CMTM7: variants seen among roughly 807,000 people sequenced by gnomAD.
CMTM7 encodes CKLF-like MARVEL transmembrane domain-containing protein 7.
A neutral mutation model predicts 19.3 loss-of-function variants in CMTM7; 7 were observed. The observed-to-expected ratio is 0.36, with a 90% CI of 0.21 to 0.68. The LOEUF is 0.68. CMTM7 is among the 30% of genes least tolerant of loss of function. The pLI is 0.60. For missense variants in CMTM7, 193 were observed against 232.6 expected (o/e 0.83, Z 1.11); for synonymous variants, 87 against 99.3 (o/e 0.88, Z 0.74).
intron 1 of CMTM7, among the ~76,000 whole-genome samples, chr3:32,397,144 C>T (rs1211489674): frequency 6.6e-6 from 1 of 152,134 alleles, no homozygotes; most frequent in African/African-American, 2.4e-5. Flanking sequence ...TACTAGACGC[C>T]ACTCAATTAC....
At chr3:32,413,533 A>G (rs146418122) in intron 1 of CMTM7, among the ~76,000 whole-genome samples, 59 of 152,324 alleles carry the variant, frequency 3.9e-4, no homozygotes, top group African/African-American at 1.3e-3. Context: ...CATCTCCATT[A>G]TAACTCCTCT....
intron 1 of CMTM7, among the ~76,000 whole-genome samples, chr3:32,411,095 G>C (rs1366844254): frequency 1.3e-5 from 2 of 152,218 alleles, no homozygotes; most frequent in East Asian, 3.8e-4. Flanking sequence ...TCCCAGCTCT[G>C]TGTCAGCCGC....
At chr3:32,437,311 A>T (rs1192558613) in intron 1 of CMTM7, among the ~76,000 whole-genome samples, 1 of 152,116 alleles carries the variant, frequency 6.6e-6, no homozygotes, top group Non-Finnish European at 1.5e-5. Context: ...AAACCCCTGG[A>T]CATGGCTGGG....
chr3:32,431,102 C>T (rs1475778102), intron 1 of CMTM7, among the ~76,000 whole-genome samples: 1 of 152,186 alleles, frequency 6.6e-6, no homozygotes, highest in East Asian at 1.9e-4. Flanking sequence ...AAATATACAA[C>T]TTCCTGGGCA....
chr3:32,454,143 G>A, intron 4 of CMTM7, 98 bp from the exon 5 acceptor site: 1 of 1,270,188 alleles, frequency 7.9e-7, no homozygotes, highest in Non-Finnish European at 1.1e-6. Flanking sequence ...GGACACAGGT[G>A]CCCCCCTGAG....
intron 4 of CMTM7, among the ~76,000 whole-genome samples, chr3:32,452,998 T>C (rs998437428): frequency 7.3e-6 from 1 of 136,268 alleles, no homozygotes; most frequent in African/African-American, 2.7e-5. Context: ...CTCAAACTCC[T>C]GGGCTCAAGC....
chr3:32,422,515 TA>T (rs1346389892), intron 1 of CMTM7, among the ~76,000 whole-genome samples: 1 of 152,280 alleles, frequency 6.6e-6, no homozygotes, highest in African/African-American at 2.4e-5. Flanking sequence ...TGCCGTCTCG[TA>T]GCCCTAATGC....
intron 2 of CMTM7, among the ~76,000 whole-genome samples, chr3:32,447,823 A>G (rs1037660827): frequency 2.0e-5 from 3 of 152,206 alleles, no homozygotes; most frequent in African/African-American, 4.8e-5. Flanking sequence ...TAGACAGCAC[A>G]TACTGTAGTT....
At chr3:32,419,334 G>T (rs1236503048) in intron 1 of CMTM7, among the ~76,000 whole-genome samples, 1 of 152,168 alleles carries the variant, frequency 6.6e-6, no homozygotes, top group Non-Finnish European at 1.5e-5. Flanking sequence ...GTCTACCAAT[G>T]AAGTAGTTTT....
intron 1 of CMTM7, among the ~76,000 whole-genome samples, chr3:32,402,394 C>T (rs1156925587): frequency 2.0e-5 from 3 of 151,050 alleles, no homozygotes; most frequent in East Asian, 4.0e-4. Flanking sequence ...TTACAGGCAC[C>T]AGCCACTGTG....
At chr3:32,393,832 G>C (rs910253578) in intron 1 of CMTM7, among the ~76,000 whole-genome samples, 1 of 151,332 alleles carries the variant, frequency 6.6e-6, no homozygotes, top group African/African-American at 2.4e-5. Flanking sequence ...GCCTTCATGT[G>C]GTCCATGATT....
intron 2 of CMTM7, among the ~76,000 whole-genome samples, chr3:32,442,233 G>A (rs113302325): frequency 0.017 from 2,560 of 151,788 alleles, 75 homozygotes; most frequent in African/African-American, 0.056. Flanking sequence ...GTGGCTGGCC[G>A]GGCGCGGTGG....
chr3:32,397,103 A>G lies in CMTM7; in HGVS notation c.159+5038A>G, dbSNP rs536208204. Among the ~76,000 whole-genome samples, 25 of 152,320 alleles carry G rather than the reference A, an allele frequency of 1.6e-4. No individual in the cohort carries two copies. In the South Asian group the frequency reaches 4.8e-3, roughly 29 times the overall value. On this transcript the variant is annotated intron_variant, in intron 1 of 4. Transcript: ENST00000334983. ...CTCGTGCAGAAAAAACTTCAGGGCAAGTTGTAGAGTATAGTGAAGTCAAAG... is the reference window on the plus strand; with the variant it reads ...CTCGTGCAGAAAAAACTTCAGGGCAGGTTGTAGAGTATAGTGAAGTCAAAG...
In CMTM7 at chr3:32,441,944, C is replaced by T; in HGVS notation, c.264C>T (p.Ile88=). The T allele has an allele frequency of 6.2e-7, 1 of 1,614,168 alleles. No homozygotes were observed. Residue 88 remains isoleucine (I), a synonymous_variant, in exon 2 of 5, where the codon ATC becomes ATT. Transcript: ENST00000334983. ...EVVTICDLIM[I]LAFYLVHLFR... ...TCACCATTTGCGACTTGATAATGAT[C>T]CTCGCCTTTTACCTGGTCCACCTCT...
rs1696890117 is a variant in CMTM7, at chr3:32,455,173, T to A, written c.*919T>A. ...CGGCCTAAATGTGCTGTTTCGCTGA[T>A]CTTGAGCTGCTCAGTTGGCTAGAAA... On this transcript the variant is annotated 3_prime_UTR_variant, in exon 5 of 5. Coordinates refer to ENST00000334983, the MANE Select transcript of CMTM7 (RefSeq NM_138410.4). 1 of 152,364 alleles carries A rather than the reference T, an allele frequency of 6.6e-6. No homozygotes were observed. The highest frequency in any genetic ancestry group is 1.5e-5 in the Non-Finnish European group (1 of 68,162). 9.4% of individuals were successfully genotyped at this position (152,364 alleles called of 1,614,324 possible). A position where few individuals can be genotyped will look rare whatever the true frequency, so the allele number is the denominator to read the frequency against.
intron 1 of CMTM7, among the ~76,000 whole-genome samples, chr3:32,426,412 T>C (rs1218885311): frequency 6.6e-6 from 1 of 152,210 alleles, no homozygotes; most frequent in Non-Finnish European, 1.5e-5. Context: ...AAAATAGTAA[T>C]ATTTTTAATA....
At chr3:32,405,122 C>T (rs1696070999) in intron 1 of CMTM7, among the ~76,000 whole-genome samples, 1 of 152,188 alleles carries the variant, frequency 6.6e-6, no homozygotes, top group Admixed American at 6.5e-5. Context: ...CCACTAACAG[C>T]CATGTGAGCT....
chr3:32,452,477 A>G lies in CMTM7; in HGVS notation c.514+4A>G, dbSNP rs1696852154. 1 of 1,613,862 alleles carries G rather than the reference A, an allele frequency of 6.2e-7. No homozygotes were observed. On this transcript the variant is annotated splice_donor_region_variant and intron_variant, in intron 4 of 4. Coordinates refer to ENST00000334983, the MANE Select transcript of CMTM7 (RefSeq NM_138410.4). ...TCGTGTGTAACCCAGTCCACAGGTG[A>G]GTTCTGGTTATCTGTGCACAGAGGA...
At chr3:32,440,321 C>A (rs1432105157) in intron 1 of CMTM7, among the ~76,000 whole-genome samples, 1 of 151,774 alleles carries the variant, frequency 6.6e-6, no homozygotes, top group Admixed American at 6.6e-5. Flanking sequence ...GCAAGAGAAT[C>A]GCTTGAATCT....
Sources: gnomAD v4.1 joint callset for allele counts (sites outside exome capture counted in the v4.1 genomes callset) on GRCh38, gnomAD v4.1.1 for gene constraint, MANE v1.5 for transcripts, NCBI Gene and HGNC (gene_info 2026-07-23, HGNC 2026-07-21) for gene names.